CSMD1: variants seen among roughly 807,000 people sequenced by gnomAD.
CSMD1 encodes CUB and Sushi multiple domains 1.
A neutral mutation model predicts 417.5 loss-of-function variants in CSMD1; 213 were observed. The observed-to-expected ratio is 0.51, with a 90% CI of 0.46 to 0.57. The LOEUF is 0.57. Ranked by LOEUF, CSMD1 falls within the 20% of genes least tolerant of loss-of-function variation. The probability of loss-of-function intolerance (pLI) is 0.00; values close to 1 mark genes in which losing one functional copy is unlikely to be tolerated. For missense variants in CSMD1, 6,923 were observed against 4,529.7 expected, an observed-to-expected ratio of 1.53 and a Z score of -15.17; for synonymous variants, 2,862 against 1,736.8, an observed-to-expected ratio of 1.65 and a Z score of -16.11.
At chr8:3,998,688 G>C (rs185060719) in intron 4 of CSMD1, among the ~76,000 whole-genome samples, 81 of 152,052 alleles carry the variant, frequency 5.3e-4, no homozygotes, top group East Asian at 1.9e-3. Flanking sequence ...GAATATCTTA[G>C]AAAAGTGATA....
At chr8:4,858,473 T>C (rs1419598514) in intron 1 of CSMD1, among the ~76,000 whole-genome samples, 1 of 151,128 alleles carries the variant, frequency 6.6e-6, no homozygotes, top group African/African-American at 2.4e-5. Context: ...GGAAGTCAAA[T>C]TGTCCCTGTT....
At chr8:4,104,451 C>CAT (rs1801465001) in intron 3 of CSMD1, among the ~76,000 whole-genome samples, 1 of 152,138 alleles carries the variant, frequency 6.6e-6, no homozygotes, top group South Asian at 2.1e-4. Flanking sequence ...CACACACACA[C>CAT]AGGATATGTG....
intron 1 of CSMD1, among the ~76,000 whole-genome samples, chr8:4,644,838 T>C (rs1443175290): frequency 6.6e-6 from 1 of 152,238 alleles, no homozygotes; most frequent in African/African-American, 2.4e-5. Flanking sequence ...GATTGGCTTG[T>C]TTATATGCCC....
chr8:4,632,372 G>A (rs866089615), intron 2 of CSMD1, among the ~76,000 whole-genome samples: 2 of 145,178 alleles, frequency 1.4e-5, no homozygotes, highest in Admixed American at 1.3e-4. Flanking sequence ...AATTAGCCAG[G>A]TGTGGTGGTG....
chr8:3,603,160 C>G (rs1248788089), intron 8 of CSMD1, among the ~76,000 whole-genome samples: 1 of 152,144 alleles, frequency 6.6e-6, no homozygotes, highest in Admixed American at 6.5e-5. Flanking sequence ...TGTGGTATTT[C>G]TTAAGTAGTT....
chr8:4,204,867 C>A (rs1035882609), intron 3 of CSMD1, among the ~76,000 whole-genome samples: 2 of 152,056 alleles, frequency 1.3e-5, no homozygotes, highest in African/African-American at 2.4e-5. Context: ...CACTATATTC[C>A]CCAGGCTGGT....
intron 10 of CSMD1, among the ~76,000 whole-genome samples, chr8:3,537,607 G>A (rs1005826887): frequency 2.0e-5 from 3 of 152,012 alleles, no homozygotes; most frequent in Admixed American, 6.5e-5. Flanking sequence ...ATGTAATGAT[G>A]GAAATTGTGT....
chr8:4,108,649 C>T (rs760757023), intron 3 of CSMD1, among the ~76,000 whole-genome samples: 9 of 152,200 alleles, frequency 5.9e-5, no homozygotes, highest in Non-Finnish European at 2.9e-5. Flanking sequence ...TGAAATGCCA[C>T]CTGACACTTT....
rs1491358463 is a variant in CSMD1 at position 2,936,369 on chromosome 8, CAA to C, written c.*2214_*2215del. On this transcript the variant is annotated 3_prime_UTR_variant, in exon 70 of 70. Coordinates refer to ENST00000635120, the MANE Select transcript of CSMD1 (RefSeq NM_033225.6). ...TGAATGACTCAAACTTAGATATGTA[CAA>C]TATATATATATATATATGTATGTAT... 2.8e-5 allele frequency: 3 copies of C among 108,118 alleles called. No homozygotes were observed. Among genetic ancestry groups the C allele is most frequent in the South Asian group, 3.9e-4 (1 of 2,534 alleles). The allele number at this position is 108,118 out of a possible 1,614,324, so 6.7% of individuals were successfully genotyped here. A position where few individuals can be genotyped will look rare whatever the true frequency, so the allele number is the denominator to read the frequency against.
intron 5 of CSMD1, among the ~76,000 whole-genome samples, chr8:3,809,633 G>T (rs758123746): frequency 6.6e-6 from 1 of 152,064 alleles, no homozygotes; most frequent in Non-Finnish European, 1.5e-5. Flanking sequence ...CTCTGGTGGC[G>T]GCTAAGAATT....
intron 5 of CSMD1, among the ~76,000 whole-genome samples, chr8:3,912,143 C>T (rs747626011): frequency 2.0e-4 from 30 of 152,086 alleles, no homozygotes; most frequent in Non-Finnish European, 3.7e-4. Flanking sequence ...TTTTATTTAA[C>T]CTGATTAATG....
At chr8:3,729,691 CTCT>C (rs33956050) in intron 6 of CSMD1, among the ~76,000 whole-genome samples, 51,279 of 151,240 alleles carry the variant, frequency 0.34, 9,726 homozygotes, top group African/African-American at 0.52. Flanking sequence ...TGAAACTCGC[CTCT>C]TCTTCTGCTA....
intron 5 of CSMD1, among the ~76,000 whole-genome samples, chr8:3,819,590 C>T (rs1396210280): frequency 6.6e-6 from 1 of 151,302 alleles, no homozygotes; most frequent in Non-Finnish European, 1.5e-5. Context: ...ACATGCGTAA[C>T]ATATATATGC....
rs369113093 is a variant in CSMD1 at position 3,999,297 on chromosome 8, T to C, written c.611-1187A>G. Among the ~76,000 whole-genome samples the C allele has an allele frequency of 3.3e-5, 5 of 152,124 alleles. No homozygotes were observed. The East Asian group carries it at 9.7e-4, about 29-fold the overall frequency. On this transcript the variant is annotated intron_variant, in intron 4 of 69. Transcript: ENST00000635120. ...GGGGGGAGTTTGCTGTAAGCAGAGG[T>C]TGTGTGACCGGCCTGAGCTCTTACA...
chr8:3,740,604 G>T lies in CSMD1; in HGVS notation c.931+13326C>A, dbSNP rs118169563. 4.6e-4 allele frequency among the ~76,000 whole-genome samples: 70 copies of T among 152,276 alleles called. No homozygotes were observed. In the East Asian group the frequency reaches 0.012, roughly 26 times the overall value. On this transcript the variant is annotated intron_variant, in intron 6 of 69. Transcript: ENST00000635120. ...ACAGGAAGGAGGACGAGCAGGGGCT[G>T]AGGTAGTGTGATTTGATGCTGGTAA...
chr8:4,743,547 A>G (rs1810759431), intron 1 of CSMD1, among the ~76,000 whole-genome samples: 1 of 152,176 alleles, frequency 6.6e-6, no homozygotes, highest in Non-Finnish European at 1.5e-5. Context: ...GCCAGAGTCA[A>G]CCGTCATTAA....
At chr8:3,379,492 G>A (rs185394367) in intron 18 of CSMD1, among the ~76,000 whole-genome samples, 86 of 152,106 alleles carry the variant, frequency 5.7e-4, no homozygotes, top group African/African-American at 1.9e-3. Flanking sequence ...ACCTGACTTC[G>A]AACTATACTA....
chr8:4,946,270 A>C (rs891030427), intron 1 of CSMD1, among the ~76,000 whole-genome samples: 2 of 152,186 alleles, frequency 1.3e-5, no homozygotes, highest in Admixed American at 1.3e-4. Flanking sequence ...GTCTTGTGAG[A>C]TGAAGAAAGC....
Position 4,546,834 on chromosome 8 carries a change from T to C in CSMD1, c.302+90508A>G, listed in dbSNP as rs543824027. 2.1e-4 allele frequency among the ~76,000 whole-genome samples: 32 copies of C among 151,976 alleles called. No individual in the cohort carries two copies. The South Asian group carries it at 2.5e-3, about 12-fold the overall frequency. ...TATTTATAATTATAATATTTGTATA[T>C]AATACAACATATGCATATATATGTA... is the stretch of plus-strand genomic sequence containing the variant. On this transcript the variant is annotated intron_variant, in intron 2 of 69. Coordinates refer to ENST00000635120, the MANE Select transcript of CSMD1 (RefSeq NM_033225.6).
Sources: gnomAD v4.1 joint callset for allele counts (sites outside exome capture counted in the v4.1 genomes callset) on GRCh38, gnomAD v4.1.1 for gene constraint, MANE v1.5 for transcripts, NCBI Gene and HGNC (gene_info 2026-07-23, HGNC 2026-07-21) for gene names.